Variants in SYNPR observed in about 807,000 individuals in gnomAD.
SYNPR encodes the protein synaptoporin.
SYNPR carries 23 observed loss-of-function variants against 32.9 expected under a neutral mutation model. The observed-to-expected ratio is 0.70, with a 90% confidence interval of 0.50 to 0.99. The LOEUF (loss-of-function observed/expected upper bound fraction) is 0.99, where lower values mean the gene tolerates loss of function less well. Ranked by LOEUF, SYNPR falls within the 50% of genes least tolerant of loss-of-function variation. SYNPR has a pLI of 0.00. For missense variants in SYNPR, 318 were observed against 349.3 expected (o/e 0.91, Z 0.71); for synonymous variants, 146 against 135.9 (o/e 1.07, Z -0.52).
chr3:63,606,404 C>T (rs1700119728), intron 4 of SYNPR, among the ~76,000 whole-genome samples: 1 of 93,002 alleles, frequency 1.1e-5, no homozygotes, highest in South Asian at 4.0e-4. Flanking sequence ...TTAAGCAGGA[C>T]CTCAAATCCT....
chr3:63,454,332 C>T (rs2106640281), intron 2 of SYNPR, among the ~76,000 whole-genome samples: 1 of 152,160 alleles, frequency 6.6e-6, no homozygotes, highest in East Asian at 1.9e-4. Flanking sequence ...AATTTTCTCT[C>T]TAGGTTTTCT....
At chr3:63,609,644 C>T (rs187519397) in intron 5 of SYNPR, among the ~76,000 whole-genome samples, 76 of 152,286 alleles carry the variant, frequency 5.0e-4, no homozygotes, top group African/African-American at 1.6e-3. Context: ...CAATGGCTCA[C>T]GCCTATAATC....
chr3:63,321,263 TA>T (rs1211983449), intron 2 of SYNPR, among the ~76,000 whole-genome samples: 1 of 152,094 alleles, frequency 6.6e-6, no homozygotes, highest in Non-Finnish European at 1.5e-5. Context: ...TTAACTACAA[TA>T]GCACTTTTTA....
intron 2 of SYNPR, among the ~76,000 whole-genome samples, chr3:63,345,330 T>A (rs2087423901): frequency 6.6e-6 from 1 of 152,224 alleles, no homozygotes. Flanking sequence ...TGGCCAGGAA[T>A]GAGCAAAGGT....
chr3:63,200,702 C>A, the SYNPR span, among the ~76,000 whole-genome samples: 65 of 152,144 alleles, frequency 4.3e-4, no homozygotes, highest in East Asian at 0.011. Flanking sequence ...TTTTTAATTT[C>A]TCAATCTTTC....
chr3:63,394,214 G>A (rs2088180664), intron 2 of SYNPR, among the ~76,000 whole-genome samples: 1 of 152,126 alleles, frequency 6.6e-6, no homozygotes, highest in Non-Finnish European at 1.5e-5. Flanking sequence ...TCTTACCTAT[G>A]TGACCTTGAA....
At chr3:63,289,212 G>T (rs1243685170) in intron 2 of SYNPR, among the ~76,000 whole-genome samples, 1 of 152,148 alleles carries the variant, frequency 6.6e-6, no homozygotes, top group Non-Finnish European at 1.5e-5. Flanking sequence ...AACATAAAGG[G>T]TTTCAATATA....
intron 2 of SYNPR, among the ~76,000 whole-genome samples, chr3:63,289,156 T>G (rs2086714849): frequency 6.6e-6 from 1 of 152,238 alleles, no homozygotes; most frequent in African/African-American, 2.4e-5. Context: ...TGATGATGTA[T>G]CTACAAACAC....
At chr3:63,313,680 C>CATATATATCTAT (rs1166895185) in intron 2 of SYNPR, among the ~76,000 whole-genome samples, 3 of 62,920 alleles carry the variant, frequency 4.8e-5, no homozygotes, top group Admixed American at 1.8e-4. Flanking sequence ...AATTAATACA[C>CATATATATCTAT]ATATATATCC....
At chr3:63,313,569 C>G (rs2086992552) in intron 2 of SYNPR, among the ~76,000 whole-genome samples, 1 of 147,640 alleles carries the variant, frequency 6.8e-6, no homozygotes, top group Admixed American at 6.8e-5. Context: ...GCATAGTATT[C>G]CATTGTGTGT....
At chr3:63,514,265 T>C (rs1701752288) in intron 3 of SYNPR, among the ~76,000 whole-genome samples, 1 of 152,210 alleles carries the variant, frequency 6.6e-6, no homozygotes, top group Non-Finnish European at 1.5e-5. Context: ...ATTTACATTG[T>C]AGGCTTGAAT....
In SYNPR at chr3:63,428,863, G is replaced by A. The variant is rs537556269; in HGVS notation, c.85-51969G>A. Reference sequence around the variant, plus strand: ...GAATGTGCACGATTTCACTTCTGCCGTATGCTGTTGGCCAGAGAAAGATAT... The same window carrying A: ...GAATGTGCACGATTTCACTTCTGCCATATGCTGTTGGCCAGAGAAAGATAT... On this transcript the variant is annotated intron_variant, in intron 2 of 5. Coordinates refer to ENST00000478300, the MANE Select transcript of SYNPR (RefSeq NM_001130003.2). Among the ~76,000 whole-genome samples the A allele has an allele frequency of 5.9e-5, 9 of 152,280 alleles. No homozygotes were observed. The South Asian group carries it at 8.3e-4, about 14-fold the overall frequency.
intron 4 of SYNPR, among the ~76,000 whole-genome samples, chr3:63,573,637 C>T (rs9871900): frequency 3.9e-5 from 6 of 152,150 alleles, no homozygotes; most frequent in African/African-American, 1.4e-4. Context: ...CAAAGTCACA[C>T]AGTTGGTTCA....
At chr3:63,455,563 G>C (rs773577869) in intron 2 of SYNPR, among the ~76,000 whole-genome samples, 1 of 152,094 alleles carries the variant, frequency 6.6e-6, no homozygotes, top group Admixed American at 6.6e-5. Context: ...CCTTGATAGT[G>C]ATACAAATAG....
At chr3:63,356,878 T>C (rs1306118226) in intron 2 of SYNPR, among the ~76,000 whole-genome samples, 2 of 152,184 alleles carry the variant, frequency 1.3e-5, no homozygotes, top group African/African-American at 4.8e-5. Context: ...AAATCTGAAG[T>C]CCAGTATTAC....
chr3:63,509,093 T>C (rs1369696166), intron 3 of SYNPR, among the ~76,000 whole-genome samples: 2 of 151,566 alleles, frequency 1.3e-5, no homozygotes. Flanking sequence ...AATACTCATG[T>C]ACCTTTCAGC....
In SYNPR at chr3:63,548,552, T is replaced by C. The variant is rs376616320; in HGVS notation, c.210-7991T>C. ...ACACATACACATACATATGGCTAGC[T>C]AAAGACAACGCAATCTAAAAGCAGA... On this transcript the variant is annotated intron_variant, in intron 3 of 5. Coordinates refer to ENST00000478300, the MANE Select transcript of SYNPR (RefSeq NM_001130003.2). Among the ~76,000 whole-genome samples, 3 of 152,184 alleles carry C rather than the reference T, an allele frequency of 2.0e-5. No homozygotes were observed. The East Asian group carries it at 5.8e-4, about 29-fold the overall frequency.
chr3:63,217,632 T>C, the SYNPR span, among the ~76,000 whole-genome samples: 9 of 150,300 alleles, frequency 6.0e-5, no homozygotes, highest in South Asian at 1.5e-3. Flanking sequence ...GAGATGAACC[T>C]GGTACCTCAG....
chr3:63,542,511 GCTGT>G (rs777684499), intron 3 of SYNPR, among the ~76,000 whole-genome samples: 61 of 152,170 alleles, frequency 4.0e-4, no homozygotes, highest in South Asian at 2.3e-3. Context: ...ACTCCAGTGG[GCTGT>G]CTAAGTCTGA....
Sources: gnomAD v4.1 joint callset for allele counts (sites outside exome capture counted in the v4.1 genomes callset) on GRCh38, gnomAD v4.1.1 for gene constraint, MANE v1.5 for transcripts, NCBI Gene and HGNC (gene_info 2026-07-23, HGNC 2026-07-21) for gene names.